PRDM1: variants seen among roughly 807,000 people sequenced by gnomAD.
The protein encoded by PRDM1 is PR domain zinc finger protein 1.
In PRDM1, 13 loss-of-function variants were observed where a neutral mutation model predicts 62.8. The observed-to-expected ratio is 0.21, with a 90% CI of 0.13 to 0.33. The LOEUF is 0.33. PRDM1 is among the 10% of genes least tolerant of loss of function. The probability of loss-of-function intolerance (pLI) is 1.00; values close to 1 mark genes in which losing one functional copy is unlikely to be tolerated. For missense variants in PRDM1, 895 were observed against 1,058.8 expected, an observed-to-expected ratio of 0.85 and a Z score of 2.15; for synonymous variants, 396 against 417.6, an observed-to-expected ratio of 0.95 and a Z score of 0.63.
At chr6:106,104,673 C>A in intron 4 of PRDM1, 152 bp from the exon 5 acceptor site, 1 of 1,015,360 alleles carries the variant, frequency 9.8e-7, no homozygotes, top group Non-Finnish European at 1.4e-6. Flanking sequence ...GGCCCAGAGC[C>A]TTCTAGAATG....
chr6:106,030,503 CA>C (rs1477502795), intron 1 of PRDM1, among the ~76,000 whole-genome samples: 1 of 151,600 alleles, frequency 6.6e-6, no homozygotes, highest in Non-Finnish European at 1.5e-5. Flanking sequence ...TTTTCAAAAC[CA>C]AAAGTTTTAG....
upstream of PRDM1, among the ~76,000 whole-genome samples, chr6:106,048,350 G>A (rs1057055479): frequency 6.6e-5 from 10 of 151,996 alleles, no homozygotes; most frequent in African/African-American, 1.5e-4. Flanking sequence ...TCATGCTACT[G>A]CACTCCAGCC....
chr6:106,084,326 T>C (rs1562162915), upstream of PRDM1, among the ~76,000 whole-genome samples: 2 of 152,226 alleles, frequency 1.3e-5, no homozygotes. Flanking sequence ...CACACTGGTA[T>C]TTGAAGTTTG....
At chr6:106,038,234 C>T (rs961886218) in intron 1 of PRDM1, among the ~76,000 whole-genome samples, 3 of 151,898 alleles carry the variant, frequency 2.0e-5, no homozygotes, top group Non-Finnish European at 2.9e-5. Flanking sequence ...ATCTGCCTGC[C>T]TGGGCCTCCC....
chr6:106,005,071 ATCT>A (rs1162841095), intron 1 of PRDM1, among the ~76,000 whole-genome samples: 3 of 152,194 alleles, frequency 2.0e-5, no homozygotes, highest in African/African-American at 7.2e-5. Flanking sequence ...GCTTGCTGCA[ATCT>A]TCTTAAGGCT....
intron 1 of PRDM1, among the ~76,000 whole-genome samples, chr6:106,006,435 C>T (rs983800009): frequency 6.6e-6 from 1 of 152,018 alleles, no homozygotes; most frequent in Non-Finnish European, 1.5e-5. Flanking sequence ...ACATTAGTCT[C>T]GTGGGGTGAA....
intron 3 of PRDM1, chr6:106,098,186 G>A: frequency 1.0e-6 from 1 of 985,166 alleles, no homozygotes; most frequent in Non-Finnish European, 1.2e-6. Flanking sequence ...ACTGCTGCTT[G>A]GAGACTGCAA....
At position 106,106,584 on chromosome 6, in the gene PRDM1, T is replaced by C; in HGVS notation, c.1902+85T>C. The C allele has an allele frequency of 6.4e-7, 1 of 1,556,494 alleles. No homozygotes were observed. The highest frequency in any genetic ancestry group is 1.4e-5 in the African/African-American group (1 of 74,026). The stretch of plus-strand genomic sequence containing the variant: ...CTCCCATGTCCTATATAGCCCGTAG[T>C]TAAAGCCAACACCAGATTCTGCGTT... On this transcript the variant is annotated intron_variant, in intron 6 of 6. Transcript: ENST00000369096. The surrounding 1 kb of genome is among the most constrained non-coding windows in gnomAD (Gnocchi z 4.4).
At chr6:106,093,242 A>G (rs1459366197) in intron 2 of PRDM1, among the ~76,000 whole-genome samples, 1 of 152,220 alleles carries the variant, frequency 6.6e-6, no homozygotes, top group East Asian at 1.9e-4. Context: ...TTTGGGCACA[A>G]GAAAATGTGT....
At chr6:106,076,180 G>T (rs1337535759) in intron 1 of PRDM1, among the ~76,000 whole-genome samples, 3 of 151,986 alleles carry the variant, frequency 2.0e-5, no homozygotes, top group African/African-American at 7.3e-5. Flanking sequence ...CAAACTCCTG[G>T]ACTCAAGGGA....
At chr6:106,086,823 G>A (rs188422088) in intron 1 of PRDM1, among the ~76,000 whole-genome samples, 11 of 152,160 alleles carry the variant, frequency 7.2e-5, no homozygotes, top group Admixed American at 4.6e-4. Context: ...TTCAGTAGTG[G>A]TTCCAGCTCA....
chr6:106,086,122 C>T (rs918588911), upstream of PRDM1, among the ~76,000 whole-genome samples: 2 of 152,100 alleles, frequency 1.3e-5, no homozygotes, highest in South Asian at 4.2e-4. Context: ...CCCAAGTAAG[C>T]GTTGAGGTTA....
At chr6:106,051,123 A>AT (rs1773166794) in intron 1 of PRDM1, among the ~76,000 whole-genome samples, 2 of 152,280 alleles carry the variant, frequency 1.3e-5, no homozygotes, top group Admixed American at 1.3e-4. Context: ...CAGTTTGTGT[A>AT]TTTTTTTCAT....
chr6:106,080,787 T>C (rs902343290), intron 1 of PRDM1, among the ~76,000 whole-genome samples: 6 of 152,208 alleles, frequency 3.9e-5, no homozygotes, highest in African/African-American at 1.4e-4. Flanking sequence ...GTTGTGGGGA[T>C]CCTGCCTGAA....
At chr6:106,029,378 A>C (rs1453825361) in intron 1 of PRDM1, among the ~76,000 whole-genome samples, 4 of 152,204 alleles carry the variant, frequency 2.6e-5, no homozygotes, top group African/African-American at 9.6e-5. Flanking sequence ...ACCATATGTT[A>C]AAAAGACTTT....
At chr6:106,033,446 G>A (rs1582432886) in intron 1 of PRDM1, among the ~76,000 whole-genome samples, 2 of 151,316 alleles carry the variant, frequency 1.3e-5, no homozygotes, top group African/African-American at 4.9e-5. Context: ...GAGCCACTAC[G>A]CCTGGAGATT....
chr6:106,036,644 G>A (rs946937275), intron 1 of PRDM1, among the ~76,000 whole-genome samples: 3 of 151,950 alleles, frequency 2.0e-5, no homozygotes, highest in Middle Eastern at 3.4e-3. Context: ...AAATCATGTA[G>A]AAAACAAAAA....
chr6:106,087,656 T>A (rs943545907), intron 1 of PRDM1: 1 of 232,706 alleles, frequency 4.3e-6, no homozygotes, highest in Non-Finnish European at 8.5e-6. Flanking sequence ...GAAAGTTGTT[T>A]TGCGTTGGGA....
At chr6:106,029,400 C>T (rs1772809120) in intron 1 of PRDM1, among the ~76,000 whole-genome samples, 1 of 152,202 alleles carries the variant, frequency 6.6e-6, no homozygotes, top group Non-Finnish European at 1.5e-5. Context: ...TATATTCCCC[C>T]ACTGAATTGC....
Sources: allele counts gnomAD v4.1 joint callset (sites outside exome capture counted in the v4.1 genomes callset), GRCh38; gene constraint gnomAD v4.1.1; non-coding constraint Gnocchi (gnomAD v3.1); transcripts MANE v1.5; gene names NCBI Gene and HGNC (gene_info 2026-07-23, HGNC 2026-07-21).